MTPAP: variants seen among roughly 807,000 people sequenced by gnomAD.
The protein encoded by MTPAP is poly(A) RNA polymerase, mitochondrial.
Under a neutral mutation model 48.7 loss-of-function variants are expected in MTPAP, and 23 were observed. That is an observed-to-expected ratio of 0.47 (90% CI 0.34 to 0.67). The LOEUF (loss-of-function observed/expected upper bound fraction) is 0.67, where lower values mean the gene tolerates loss of function less well. Among genes scored for constraint, MTPAP ranks in the 30% least tolerant of loss-of-function variants. The probability of loss-of-function intolerance (pLI) is 0.01; values close to 1 mark genes in which losing one functional copy is unlikely to be tolerated. For synonymous variants in MTPAP, 257 were observed against 254.1 expected, an observed-to-expected ratio of 1.01 and a Z score of -0.11; for missense variants, 614 against 694.3, an observed-to-expected ratio of 0.88 and a Z score of 1.30.
chr10:30,341,562 A>G lies in MTPAP; in HGVS notation c.236T>C (p.Leu79Ser). 6.2e-7 allele frequency: 1 copy of G among 1,614,184 alleles called. No individual in the cohort carries two copies. Among genetic ancestry groups the G allele is most frequent in the Non-Finnish European group, 8.5e-7 (1 of 1,180,006 alleles). ...ERREQAQRTVLIHCPEKISEN... is the reference protein window; with the variant it reads ...ERREQAQRTVSIHCPEKISEN... ...ACTGATTTTCTCTGGGCAATGTATT[A>G]AAACAGTCCGCTGTGCCTGTTCTCG... The change falls in exon 2 of 9, where the codon TTA (leucine) becomes TCA (serine). Residue 79 changes from leucine to serine, a missense_variant. Leu to Ser is a moderately radical substitution (Grantham distance 145). Coordinates refer to ENST00000263063, the MANE Select transcript of MTPAP (RefSeq NM_018109.4).
At chr10:30,336,755 ACTTT>A (rs774904947) in intron 4 of MTPAP, 44 bp downstream of exon 4, 2 of 1,416,454 alleles carry the variant, frequency 1.4e-6, no homozygotes, top group Admixed American at 1.7e-5. Context: ...TTCTTTTTAT[ACTTT>A]CTTAACTTTA....
intron 1 of MTPAP, among the ~76,000 whole-genome samples, chr10:30,347,479 C>T (rs1203348296): frequency 2.6e-5 from 4 of 152,206 alleles, no homozygotes; most frequent in African/African-American, 7.2e-5. Context: ...TTTGTTATTT[C>T]CTGCAAGAAT....
At chr10:30,337,082 A>C in intron 3 of MTPAP, 55 bp from the exon 4 acceptor site, 3 of 1,428,468 alleles carry the variant, frequency 2.1e-6, no homozygotes, top group Non-Finnish European at 3.0e-6. Context: ...GTCGCATAAA[A>C]AGTTACCATT....
rs1013071313 is a variant in MTPAP, at chr10:30,313,355, G to A, written c.*254C>T. 9 of 481,116 alleles carry A rather than the reference G, an allele frequency of 1.9e-5. No individual in the cohort carries two copies. The highest frequency in any genetic ancestry group is 1.7e-4 in the African/African-American group (9 of 51,520). The allele number at this position is 481,116 out of a possible 1,614,324, so 29.8% of individuals were successfully genotyped here. A position where few individuals can be genotyped will look rare whatever the true frequency, so the allele number is the denominator to read the frequency against. On this transcript the variant is annotated 3_prime_UTR_variant, in exon 9 of 9. Transcript: ENST00000263063. ...AGAGATCCTCCTGCCTCAGCCTCCT[G>A]AGCAGCTGGGACTACAGGTGTGCAC...
chr10:30,319,044 C>T (rs1480595411), intron 6 of MTPAP, among the ~76,000 whole-genome samples: 2 of 143,570 alleles, frequency 1.4e-5, no homozygotes, highest in African/African-American at 5.2e-5. Context: ...TGAGATTCTC[C>T]ATAAAAAAAA....
At chr10:30,339,626 G>A (rs1834775766) in intron 3 of MTPAP, among the ~76,000 whole-genome samples, 1 of 152,168 alleles carries the variant, frequency 6.6e-6, no homozygotes. Flanking sequence ...AGAAGAATGT[G>A]GTTACCTGTA....
intron 1 of MTPAP, among the ~76,000 whole-genome samples, chr10:30,344,706 T>C (rs1834851055): frequency 6.6e-6 from 1 of 152,126 alleles, no homozygotes. Context: ...CAGCATAGAA[T>C]TTTCTTTTTT....
At chr10:30,332,915 A>G (rs1834686813) in intron 4 of MTPAP, among the ~76,000 whole-genome samples, 1 of 151,902 alleles carries the variant, frequency 6.6e-6, no homozygotes, top group Non-Finnish European at 1.5e-5. Flanking sequence ...AGGTCAGGAG[A>G]TCGAGACCAT....
chr10:30,329,531 G>A (rs1290824719), intron 4 of MTPAP, among the ~76,000 whole-genome samples: 1 of 152,056 alleles, frequency 6.6e-6, no homozygotes, highest in Non-Finnish European at 1.5e-5. Flanking sequence ...ACTGGGCCCG[G>A]CCACTTCCTG....
At chr10:30,323,595 C>A (rs1253706369) in intron 5 of MTPAP, among the ~76,000 whole-genome samples, 2 of 152,126 alleles carry the variant, frequency 1.3e-5, no homozygotes, top group African/African-American at 4.8e-5. Flanking sequence ...CTGCAAGCTC[C>A]GACTCCTGGG....
chr10:30,337,578 A>G, intron 3 of MTPAP, among the ~76,000 whole-genome samples: 1 of 152,188 alleles, frequency 6.6e-6, no homozygotes, highest in Non-Finnish European at 1.5e-5. Context: ...CTATTTCACT[A>G]AAGAAATAAA....
chr10:30,319,413 A>G (rs1298312561), intron 6 of MTPAP, among the ~76,000 whole-genome samples: 1 of 152,244 alleles, frequency 6.6e-6, no homozygotes, highest in Non-Finnish European at 1.5e-5. Context: ...TTATTTGTAT[A>G]TCAAATGAGA....
rs184905335 is a variant in MTPAP at position 30,333,097 on chromosome 10, G to C, written c.780+3706C>G. 8.7e-3 allele frequency among the ~76,000 whole-genome samples: 1,313 copies of C among 151,782 alleles called. 22 individuals carry two copies. Among genetic ancestry groups the C allele is most frequent in the African/African-American group, 0.03 (1,252 of 41,340 alleles). ...GATGGCACCGCTGCACTCCAGCCTG[G>C]GAGACAGAGCAAGACTCTGTCTCAA... On this transcript the variant is annotated intron_variant, in intron 4 of 8. Transcript: ENST00000263063.
At chr10:30,314,472 TATGAG>T (rs1382652935) in intron 8 of MTPAP, among the ~76,000 whole-genome samples, 1 of 152,110 alleles carries the variant, frequency 6.6e-6, no homozygotes, top group Non-Finnish European at 1.5e-5. Context: ...GTTTCCCAAG[TATGAG>T]ATGAGGAAAA....
At chr10:30,320,660 T>G (rs547092918) in intron 6 of MTPAP, among the ~76,000 whole-genome samples, 1 of 152,204 alleles carries the variant, frequency 6.6e-6, no homozygotes, top group Non-Finnish European at 1.5e-5. Flanking sequence ...TAACTAAGAA[T>G]AGATTGGTGG....
chr10:30,316,911 C>CAAAT (rs71023569), intron 6 of MTPAP, among the ~76,000 whole-genome samples: 111,269 of 151,650 alleles, frequency 0.73, 40,883 homozygotes, highest in Admixed American at 0.8. Context: ...CAAAACAAAA[C>CAAAT]AAATTTAAGT....
intron 4 of MTPAP, among the ~76,000 whole-genome samples, chr10:30,327,772 G>A (rs1312997700): frequency 1.3e-5 from 2 of 150,672 alleles, no homozygotes; most frequent in Non-Finnish European, 2.9e-5. Context: ...CTTGAACCTG[G>A]AAGGTGGAGG....
At chr10:30,321,645 A>C (rs1326609202) in intron 6 of MTPAP, among the ~76,000 whole-genome samples, 1 of 152,236 alleles carries the variant, frequency 6.6e-6, no homozygotes, top group African/African-American at 2.4e-5. Context: ...TTTAAACACC[A>C]AGCTATGTAA....
At chr10:30,348,979 G>A in intron 1 of MTPAP, 140 bp downstream of exon 1, 2 of 1,266,838 alleles carry the variant, frequency 1.6e-6, no homozygotes, top group Non-Finnish European at 2.2e-6. Flanking sequence ...ACAGAGATCA[G>A]AGGAGAGGAG....
Sources: allele counts gnomAD v4.1 joint callset (sites outside exome capture counted in the v4.1 genomes callset), GRCh38; gene constraint gnomAD v4.1.1; transcripts MANE v1.5; gene names NCBI Gene and HGNC (gene_info 2026-07-23, HGNC 2026-07-21).